The following NAV3 variants were observed in gnomAD, a reference collection of about 807,000 sequenced individuals.
The protein encoded by NAV3 is pore membrane and/or filament interacting like protein 1.
NAV3 carries 87 observed loss-of-function variants against 244.7 expected under a neutral mutation model. That is an observed-to-expected ratio of 0.36 (90% CI 0.30 to 0.42). The LOEUF is 0.42. Among genes scored for constraint, NAV3 ranks in the 20% least tolerant of loss-of-function variants. NAV3 has a pLI of 1.00. For synonymous variants in NAV3, 1,126 were observed against 1,042.2 expected (o/e 1.08, Z -1.55); for missense variants, 2,663 against 2,893.3 (o/e 0.92, Z 1.83).
chr12:78,140,481 A>T (rs985077244), intron 20 of NAV3, 147 bp downstream of exon 20: 2 of 687,596 alleles, frequency 2.9e-6, no homozygotes, highest in Admixed American at 2.6e-5. Context: ...AAGCTGCCCA[A>T]TACCCAATAA....
At chr12:77,948,221 T>G (rs1241008374) in intron 3 of NAV3, among the ~76,000 whole-genome samples, 7 of 152,056 alleles carry the variant, frequency 4.6e-5, no homozygotes, top group Admixed American at 6.6e-5. Flanking sequence ...AAGAATGCCT[T>G]GTTGCATTAA....
At chr12:78,149,218 A>G (rs955182181) in intron 22 of NAV3, among the ~76,000 whole-genome samples, 2 of 152,118 alleles carry the variant, frequency 1.3e-5, no homozygotes, top group African/African-American at 2.4e-5. Flanking sequence ...CTCTTGCATA[A>G]GATTCTCTGA....
intron 1 of NAV3, among the ~76,000 whole-genome samples, chr12:77,936,157 C>T (rs557582001): frequency 3.9e-5 from 6 of 152,160 alleles, no homozygotes; most frequent in Non-Finnish European, 7.3e-5. Flanking sequence ...GTGAATTGTT[C>T]CTCAAAGAAT....
chr12:77,760,555 G>A (rs929086363), intron 2 of NAV3, among the ~76,000 whole-genome samples: 4 of 152,176 alleles, frequency 2.6e-5, no homozygotes, highest in African/African-American at 4.8e-5. Context: ...CTAGCTGTCC[G>A]TAAGTAGAAC....
chr12:77,877,965 C>G (rs900104081), intron 1 of NAV3, among the ~76,000 whole-genome samples: 3 of 152,060 alleles, frequency 2.0e-5, no homozygotes, highest in Non-Finnish European at 4.4e-5. Context: ...AAGCTTATAA[C>G]CCCAGTAAAA....
chr12:77,805,034 C>T (rs1871902054), intron 2 of NAV3, among the ~76,000 whole-genome samples: 1 of 152,056 alleles, frequency 6.6e-6, no homozygotes, highest in Non-Finnish European at 1.5e-5. Context: ...CTTGAGACTA[C>T]TGAAGTTGCT....
At chr12:77,897,917 T>C (rs1379434930) in intron 1 of NAV3, among the ~76,000 whole-genome samples, 1 of 152,200 alleles carries the variant, frequency 6.6e-6, no homozygotes, top group Non-Finnish European at 1.5e-5. Flanking sequence ...TCTTCACAGC[T>C]CTGCCTCCGA....
intron 3 of NAV3, among the ~76,000 whole-genome samples, chr12:77,963,803 G>C (rs185072644): frequency 6.6e-6 from 1 of 151,800 alleles, no homozygotes; most frequent in Non-Finnish European, 1.5e-5. Context: ...ATGTATTATC[G>C]ATCATTTGTT....
intron 2 of NAV3, among the ~76,000 whole-genome samples, chr12:77,691,327 G>GTATATATA (rs1565774001): frequency 2.0e-4 from 2 of 10,046 alleles, no homozygotes; most frequent in Admixed American, 1.8e-3. Flanking sequence ...ATAAGTATTT[G>GTATATATA]TGTATGTGTG....
intron 32 of NAV3, 83 bp from the exon 33 acceptor site, chr12:78,188,526 C>G (rs2139846699): frequency 7.3e-7 from 1 of 1,360,796 alleles, no homozygotes; most frequent in Non-Finnish European, 1.0e-6. Flanking sequence ...TGACAACTAG[C>G]TCTATATCCC....
At chr12:77,588,487 G>A (rs1476271915) in intron 2 of NAV3, among the ~76,000 whole-genome samples, 1 of 152,124 alleles carries the variant, frequency 6.6e-6, no homozygotes, top group African/African-American at 2.4e-5. Context: ...CTTAAATTGA[G>A]CTTCTTTTGC....
In NAV3 at chr12:77,587,977, G is replaced by T. The variant is rs146682124; in HGVS notation, c.72+15711G>T. 1.8e-3 allele frequency among the ~76,000 whole-genome samples: 273 copies of T among 152,182 alleles called. 2 individuals carry two copies. The highest frequency in any genetic ancestry group is 6.2e-3 in the African/African-American group (257 of 41,526). ...TAATAGTTTCCAGTCCATCAAGTAG[G>T]TTCTATTATTTTTAAATCAGGCTAA... On this transcript the variant is annotated intron_variant, in intron 2 of 8. Transcript: ENST00000550042.
intron 12 of NAV3, among the ~76,000 whole-genome samples, chr12:78,091,340 A>C (rs992987056): frequency 6.6e-6 from 1 of 152,228 alleles, no homozygotes; most frequent in Non-Finnish European, 1.5e-5. Context: ...TCTTGCTAAA[A>C]GGCATAACTC....
intron 22 of NAV3, 32 bp downstream of exon 22, chr12:78,148,951 A>G (rs1234962428): frequency 7.8e-6 from 12 of 1,529,984 alleles, no homozygotes; most frequent in South Asian, 1.2e-5. Flanking sequence ...ATATATTACA[A>G]CAAATTTTTA....
chr12:77,961,011 ATG>A (rs1281011024), intron 3 of NAV3, among the ~76,000 whole-genome samples: 2 of 146,464 alleles, frequency 1.4e-5, no homozygotes, highest in Non-Finnish European at 3.0e-5. Flanking sequence ...ATATGTATAT[ATG>A]TATATGTTAC....
At chr12:77,933,228 G>A (rs1480273708) in intron 1 of NAV3, among the ~76,000 whole-genome samples, 2 of 152,086 alleles carry the variant, frequency 1.3e-5, no homozygotes, top group East Asian at 1.9e-4. Context: ...GTATAGAATA[G>A]TATAATGCTT....
At chr12:78,151,733 A>T (rs1957088862) in intron 22 of NAV3, among the ~76,000 whole-genome samples, 1 of 151,742 alleles carries the variant, frequency 6.6e-6, no homozygotes, top group South Asian at 2.1e-4. Context: ...CAATCTATTA[A>T]TGTAAATCAA....
At chr12:77,801,274 A>T (rs1871690036) in intron 2 of NAV3, among the ~76,000 whole-genome samples, 1 of 152,156 alleles carries the variant, frequency 6.6e-6, no homozygotes. Flanking sequence ...ATTCCACAGC[A>T]TAGATTAAAT....
At chr12:78,128,896 T>G (rs542700809) in intron 18 of NAV3, 30 bp downstream of exon 18, 10 of 1,602,996 alleles carry the variant, frequency 6.2e-6, no homozygotes, top group Non-Finnish European at 8.5e-6. Context: ...TGATTTTGTT[T>G]TGTTTCTTTC....
Sources: allele counts gnomAD v4.1 joint callset (sites outside exome capture counted in the v4.1 genomes callset), GRCh38; gene constraint gnomAD v4.1.1; transcripts MANE v1.5; gene names NCBI Gene and HGNC (gene_info 2026-07-23, HGNC 2026-07-21).